The following ASPH variants were observed in gnomAD, a reference collection of about 807,000 sequenced individuals.
ASPH encodes the protein aspartyl/asparaginyl beta-hydroxylase.
In ASPH, 100 loss-of-function variants were observed where a neutral mutation model predicts 118.4. The ratio of observed to expected loss-of-function variants is 0.84; its 90% confidence interval spans 0.72 to 1.00. The LOEUF (loss-of-function observed/expected upper bound fraction) is 1.00. Ranked by LOEUF, ASPH falls within the 50% of genes least tolerant of loss-of-function variation. The pLI, the probability that ASPH is intolerant of heterozygous loss-of-function variation, is 0.00. For synonymous variants in ASPH, 315 were observed against 325.6 expected, an observed-to-expected ratio of 0.97 and a Z score of 0.35; for missense variants, 920 against 919.5, an observed-to-expected ratio of 1.00 and a Z score of -0.01.
At chr8:61,653,323 G>A (rs1255630494) in intron 4 of ASPH, among the ~76,000 whole-genome samples, 4 of 152,196 alleles carry the variant, frequency 2.6e-5, no homozygotes, top group Non-Finnish European at 4.4e-5. Flanking sequence ...AGTTCATGAC[G>A]TTCCTAAATG....
At chr8:61,694,241 C>G (rs537881394) in intron 1 of ASPH, among the ~76,000 whole-genome samples, 3 of 152,272 alleles carry the variant, frequency 2.0e-5, no homozygotes, top group African/African-American at 7.2e-5. Flanking sequence ...TCCTCAGCTA[C>G]CTCGCACTCT....
At chr8:61,687,761 G>A (rs540464210) in intron 1 of ASPH, 1 of 152,232 alleles carries the variant, frequency 6.6e-6, no homozygotes, top group Non-Finnish European at 1.5e-5. Flanking sequence ...ATTCAAAGTA[G>A]TTTGTAGTAA....
At position 61,673,507 on chromosome 8, in the gene ASPH, C is replaced by T. The variant is rs143230381; in HGVS notation, c.322+7461G>A. Reference sequence around the variant, plus strand: ...GACAACACTATATCTCAACACGAAGCCTGTTCCACAGAGTTTCTCAACTCT... The same window carrying T: ...GACAACACTATATCTCAACACGAAGTCTGTTCCACAGAGTTTCTCAACTCT... On this transcript the variant is annotated intron_variant, in intron 3 of 24. Transcript: ENST00000379454. Among the ~76,000 whole-genome samples the T allele has an allele frequency of 2.3e-3, 354 of 152,224 alleles. 3 individuals carry two copies. The highest frequency in any genetic ancestry group is 8.0e-3 in the African/African-American group (332 of 41,546).
intron 16 of ASPH, among the ~76,000 whole-genome samples, chr8:61,572,861 G>T (rs1833892668): frequency 6.6e-6 from 1 of 152,182 alleles, no homozygotes; most frequent in African/African-American, 2.4e-5. Flanking sequence ...GTTCTGGCCA[G>T]GGTAATCAGG....
intron 3 of ASPH, chr8:61,656,239 G>A (rs977725328): frequency 3.3e-5 from 5 of 152,178 alleles, no homozygotes; most frequent in Non-Finnish European, 5.9e-5. Context: ...CGATGTTCCT[G>A]GGGCTGCAGT....
In ASPH at chr8:61,668,114, C is replaced by A. The variant is rs572290164; in HGVS notation, c.322+12854G>T. On this transcript the variant is annotated intron_variant, in intron 3 of 24. Transcript: ENST00000379454. ...ACTTATAACCTAAGTTGCACCCAAG[C>A]AAGACCCAAAAGCAATAGTGTTTAG... The A allele has an allele frequency of 1.4e-4, 142 of 983,750 alleles. No homozygotes were observed. The East Asian group carries it at 3.9e-3, about 27-fold the overall frequency. The allele number at this position is 983,750 out of a possible 1,614,324, so 60.9% of individuals were successfully genotyped here.
chr8:61,711,649 G>A (rs570929521), intron 1 of ASPH, among the ~76,000 whole-genome samples: 8 of 151,060 alleles, frequency 5.3e-5, no homozygotes, highest in Admixed American at 6.6e-5. Context: ...ATAAAGTTTG[G>A]CCAGGAAAAA....
chr8:61,704,850 C>A lies in ASPH; in HGVS notation c.103+9419G>T, dbSNP rs532293264. Among the ~76,000 whole-genome samples the A allele has an allele frequency of 1.8e-4, 27 of 152,190 alleles. No homozygotes were observed. In the East Asian group the frequency reaches 5.0e-3, roughly 28 times the overall value. On this transcript the variant is annotated intron_variant, in intron 1 of 24. Transcript: ENST00000379454. Reference sequence around the variant, plus strand: ...AATGTTGGTACATATGTAGAACAACCAATTCCACACATGGTTAGTGGGAGT... The same window carrying A: ...AATGTTGGTACATATGTAGAACAACAAATTCCACACATGGTTAGTGGGAGT...
At chr8:61,639,390 C>G (rs560946431) in intron 10 of ASPH, among the ~76,000 whole-genome samples, 3 of 152,142 alleles carry the variant, frequency 2.0e-5, no homozygotes, top group Admixed American at 2.0e-4. Context: ...CTGAGACCCC[C>G]TCCAGTGCCT....
Position 61,500,781 on chromosome 8 carries a change from CA to C in ASPH, c.*2577del, listed in dbSNP as rs1804730357. ...TTACCAGTTGGTGCTCAAAGTCAAA[CA>C]AAAATATTTTAGTTAATAATGGGCA... On this transcript the variant is annotated 3_prime_UTR_variant, in exon 25 of 25. Coordinates refer to ENST00000379454, the MANE Select transcript of ASPH (RefSeq NM_004318.4). 1 of 152,020 alleles carries C rather than the reference CA, an allele frequency of 6.6e-6. No homozygotes were observed. The highest frequency in any genetic ancestry group is 1.5e-5 in the Non-Finnish European group (1 of 68,008). 9.4% of individuals were successfully genotyped at this position (152,020 alleles called of 1,614,324 possible).
chr8:61,589,955 T>C (rs374486438), intron 14 of ASPH, among the ~76,000 whole-genome samples: 115 of 152,034 alleles, frequency 7.6e-4, no homozygotes, highest in African/African-American at 2.5e-3. Context: ...CAGGGAGAGG[T>C]AGCATTCTGG....
chr8:61,530,659 C>T (rs1178977234), intron 21 of ASPH, among the ~76,000 whole-genome samples: 2 of 152,174 alleles, frequency 1.3e-5, no homozygotes, highest in South Asian at 2.1e-4. Context: ...AAACTAAAGC[C>T]TAACTCATTT....
At position 61,539,202 on chromosome 8, in the gene ASPH, C is replaced by T. The variant is rs549844833; in HGVS notation, c.1764+8869G>A. On this transcript the variant is annotated intron_variant, in intron 21 of 24. Coordinates refer to ENST00000379454, the MANE Select transcript of ASPH (RefSeq NM_004318.4). ...GTTGCAGTGAACCAAGATCACTCCA[C>T]TGCACCCCAGACTGGGCGACAGAGT... 1.1e-4 allele frequency among the ~76,000 whole-genome samples: 17 copies of T among 152,294 alleles called. No individual in the cohort carries two copies. The East Asian group carries it at 2.9e-3, about 26-fold the overall frequency.
At chr8:61,689,133 ATAGT>A (rs746066076) in intron 1 of ASPH, among the ~76,000 whole-genome samples, 17 of 152,324 alleles carry the variant, frequency 1.1e-4, no homozygotes, top group Middle Eastern at 3.4e-3. Context: ...AATTCAATAC[ATAGT>A]TAAAGAATAC....
intron 14 of ASPH, among the ~76,000 whole-genome samples, chr8:61,616,110 T>C (rs2134100965): frequency 6.6e-6 from 1 of 152,318 alleles, no homozygotes; most frequent in South Asian, 2.1e-4. Context: ...TTGGTACTGA[T>C]CTAAAGTGCT....
chr8:61,698,899 T>A (rs1175693105), intron 1 of ASPH, among the ~76,000 whole-genome samples: 3 of 152,228 alleles, frequency 2.0e-5, no homozygotes, highest in African/African-American at 7.2e-5. Context: ...CAACAATGGC[T>A]GCAACTAAAA....
chr8:61,682,308 T>G (rs1396447695), intron 2 of ASPH: 8 of 917,524 alleles, frequency 8.7e-6, no homozygotes, highest in Non-Finnish European at 1.2e-5. Flanking sequence ...CTACCCTTTC[T>G]GACAAACCCA....
At chr8:61,585,782 A>G (rs7011590) in intron 14 of ASPH, among the ~76,000 whole-genome samples, 132,548 of 152,100 alleles carry the variant, frequency 0.87, 58,008 homozygotes, top group African/African-American at 0.91. Context: ...AGAGGAGGGA[A>G]GGCTGTGTGG....
At chr8:61,708,464 AAG>A (rs1368365926) in intron 1 of ASPH, among the ~76,000 whole-genome samples, 1 of 152,232 alleles carries the variant, frequency 6.6e-6, no homozygotes, top group African/African-American at 2.4e-5. Flanking sequence ...CTAAGACCAA[AAG>A]AGTCTTTCCA....
Sources: allele counts gnomAD v4.1 joint callset (sites outside exome capture counted in the v4.1 genomes callset), GRCh38; gene constraint gnomAD v4.1.1; transcripts MANE v1.5; gene names NCBI Gene and HGNC (gene_info 2026-07-23, HGNC 2026-07-21).